MAGI2: variants seen among roughly 807,000 people sequenced by gnomAD.
MAGI2 encodes membrane associated guanylate kinase, WW and PDZ domain containing 2.
Under a neutral mutation model 133.3 loss-of-function variants are expected in MAGI2, and 35 were observed. That is an observed-to-expected ratio of 0.26 (90% confidence interval 0.20 to 0.35). The LOEUF is 0.35. Among genes scored for constraint, MAGI2 ranks in the 10% least tolerant of loss-of-function variants. The pLI is 1.00. For missense variants in MAGI2, 1,636 were observed against 1,863.4 expected (o/e 0.88, Z 2.25); for synonymous variants, 729 against 710.6 (o/e 1.03, Z -0.41).
chr7:78,799,337 G>A (rs952484935), intron 2 of MAGI2, among the ~76,000 whole-genome samples: 1 of 152,170 alleles, frequency 6.6e-6, no homozygotes, highest in Non-Finnish European at 1.5e-5. Context: ...AGCACCAAAT[G>A]TAAACTCTAA....
rs71095386 is a variant in MAGI2, at chr7:79,191,402, C to CTTTTTTTTTTTTTTTTTT, written c.302-184214_302-184197dup. On this transcript the variant is annotated intron_variant, in intron 1 of 21. Coordinates refer to ENST00000354212, the MANE Select transcript of MAGI2 (RefSeq NM_012301.4). ...TCTTTTTTTCTTTTTCTTTTTCTTTCTTTTTTTTTTTTTTTTTTTTTTTTT... is the reference window on the plus strand; with the variant it reads ...TCTTTTTTTCTTTTTCTTTTTCTTTCTTTTTTTTTTTTTTTTTTTTTTTTTTTTTTTTTTTTTTTTTTT... Among the ~76,000 whole-genome samples the CTTTTTTTTTTTTTTTTTT allele has an allele frequency of 1.3e-3, 30 of 22,334 alleles. 7 individuals are homozygous for CTTTTTTTTTTTTTTTTTT. The highest frequency in any genetic ancestry group is 3.0e-3 in the East Asian group (2 of 656). 14.7% of individuals were successfully genotyped at this position (22,334 alleles called of 152,430 possible). A position where few individuals can be genotyped will look rare whatever the true frequency, so the allele number is the denominator to read the frequency against.
chr7:79,150,240 A>C (rs1480355683), intron 1 of MAGI2, among the ~76,000 whole-genome samples: 2 of 140,576 alleles, frequency 1.4e-5, no homozygotes, highest in East Asian at 2.0e-4. Flanking sequence ...TTCCTAAATA[A>C]AATGGTAAAT....
chr7:79,118,965 T>C (rs1819646975), intron 1 of MAGI2, among the ~76,000 whole-genome samples: 1 of 152,156 alleles, frequency 6.6e-6, no homozygotes, highest in African/African-American at 2.4e-5. Flanking sequence ...TTCAATTAAG[T>C]AGAAGTCTTT....
chr7:79,432,203 T>C (rs954887900), intron 1 of MAGI2, among the ~76,000 whole-genome samples: 8 of 152,292 alleles, frequency 5.3e-5, no homozygotes, highest in African/African-American at 1.9e-4. Flanking sequence ...TGAAAAGAGA[T>C]TCTATGAAAA....
At chr7:78,838,362 A>G (rs1205825291) in intron 2 of MAGI2, among the ~76,000 whole-genome samples, 1 of 152,068 alleles carries the variant, frequency 6.6e-6, no homozygotes, top group Non-Finnish European at 1.5e-5. Context: ...TGGAGGAAGA[A>G]TGCTGGTGAA....
chr7:79,448,179 T>G (rs1848993416), intron 1 of MAGI2, among the ~76,000 whole-genome samples: 1 of 151,996 alleles, frequency 6.6e-6, no homozygotes, highest in Admixed American at 6.5e-5. Flanking sequence ...TAGCAGATGT[T>G]TACACATAAA....
At chr7:79,056,664 C>A (rs559747359) in intron 1 of MAGI2, among the ~76,000 whole-genome samples, 89 of 152,216 alleles carry the variant, frequency 5.8e-4, no homozygotes, top group African/African-American at 2.0e-3. Flanking sequence ...TTAACATTTT[C>A]AGCTTAATTA....
intron 1 of MAGI2, among the ~76,000 whole-genome samples, chr7:79,045,278 C>A (rs1812068812): frequency 6.6e-6 from 1 of 152,266 alleles, no homozygotes; most frequent in South Asian, 2.1e-4. Flanking sequence ...TATTTTACAT[C>A]TTAACTAGGT....
At chr7:78,409,112 G>T (rs1427047310) in intron 6 of MAGI2, among the ~76,000 whole-genome samples, 1 of 151,982 alleles carries the variant, frequency 6.6e-6, no homozygotes, top group Non-Finnish European at 1.5e-5. Context: ...CTGTGGGTTT[G>T]CATAGCACCT....
intron 1 of MAGI2, among the ~76,000 whole-genome samples, chr7:79,269,889 C>T (rs1055136604): frequency 1.3e-5 from 2 of 152,118 alleles, no homozygotes; most frequent in Non-Finnish European, 2.9e-5. Context: ...ATAGGAGGGG[C>T]CTGAACTCTG....
intron 2 of MAGI2, among the ~76,000 whole-genome samples, chr7:78,961,508 C>T (rs1415597611): frequency 6.6e-6 from 1 of 152,096 alleles, no homozygotes; most frequent in Non-Finnish European, 1.5e-5. Context: ...TATCTGGATT[C>T]TCCAGTGACA....
chr7:78,199,010 G>A (rs1828993992), intron 11 of MAGI2, among the ~76,000 whole-genome samples: 1 of 152,176 alleles, frequency 6.6e-6, no homozygotes, highest in Non-Finnish European at 1.5e-5. Flanking sequence ...CACAGGACTA[G>A]GAGGAAGCTA....
At chr7:79,340,195 C>G (rs558398517) in intron 1 of MAGI2, among the ~76,000 whole-genome samples, 1 of 152,056 alleles carries the variant, frequency 6.6e-6, no homozygotes, top group African/African-American at 2.4e-5. Flanking sequence ...ATGTACCTAT[C>G]ATTCTTCCCT....
chr7:78,547,408 G>A (rs1345034130), intron 3 of MAGI2, among the ~76,000 whole-genome samples: 3 of 152,354 alleles, frequency 2.0e-5, no homozygotes, highest in East Asian at 3.9e-4. Flanking sequence ...TGGCAGGTTC[G>A]CTGAGTGCTT....
intron 3 of MAGI2, among the ~76,000 whole-genome samples, chr7:78,551,163 T>G (rs1799302092): frequency 6.6e-6 from 1 of 152,230 alleles, no homozygotes; most frequent in South Asian, 2.1e-4. Context: ...CTTCCTTGTA[T>G]AGTACAATTT....
chr7:79,262,741 T>G (rs1834175273), intron 1 of MAGI2, among the ~76,000 whole-genome samples: 1 of 152,144 alleles, frequency 6.6e-6, no homozygotes, highest in African/African-American at 2.4e-5. Context: ...CAACAAAGTT[T>G]TGGGCAAAGC....
intron 21 of MAGI2, among the ~76,000 whole-genome samples, chr7:78,043,061 A>G (rs906060396): frequency 4.6e-5 from 7 of 152,178 alleles, no homozygotes; most frequent in Non-Finnish European, 1.0e-4. Flanking sequence ...TAGCTGTGTG[A>G]CCTTGGGCAA....
intron 1 of MAGI2, among the ~76,000 whole-genome samples, chr7:79,077,852 C>T (rs1815675054): frequency 6.6e-6 from 1 of 151,940 alleles, no homozygotes; most frequent in African/African-American, 2.4e-5. Context: ...TAGATATTTA[C>T]GTTTCTTACT....
rs1842865559 is a variant in MAGI2 at position 79,368,573 on chromosome 7, GC to G, written c.301+84446del. On this transcript the variant is annotated intron_variant, in intron 1 of 21. Transcript: ENST00000354212. ...TTTTAAAATGTCTATTGTAGGCCAG[GC>G]GCGGTGGCTCACGCCTGTAATCCCA... is the stretch of plus-strand genomic sequence containing the variant. 2.0e-5 allele frequency among the ~76,000 whole-genome samples: 3 copies of G among 152,082 alleles called. No individual in the cohort carries two copies. The South Asian group carries it at 6.2e-4, about 32-fold the overall frequency.
Sources: gnomAD v4.1 joint callset for allele counts (sites outside exome capture counted in the v4.1 genomes callset) on GRCh38, gnomAD v4.1.1 for gene constraint, MANE v1.5 for transcripts, NCBI Gene and HGNC (gene_info 2026-07-23, HGNC 2026-07-21) for gene names.